Variants in SLC4A4 observed in about 807,000 individuals in gnomAD.
The protein encoded by SLC4A4 is solute carrier family 4 member 4.
A neutral mutation model predicts 111.5 loss-of-function variants in SLC4A4; 27 were observed. The ratio of observed to expected loss-of-function variants is 0.24; its 90% CI spans 0.18 to 0.33. SLC4A4 has a LOEUF of 0.33. Among genes scored for constraint, SLC4A4 ranks in the 10% least tolerant of loss-of-function variants. The pLI is 1.00. For missense variants in SLC4A4, 909 were observed against 1,315.5 expected, an observed-to-expected ratio of 0.69 and a Z score of 4.78; for synonymous variants, 443 against 463.4, an observed-to-expected ratio of 0.96 and a Z score of 0.57.
intron 6 of SLC4A4, among the ~76,000 whole-genome samples, chr4:71,364,175 ATCT>A (rs1731043251): frequency 6.6e-6 from 1 of 152,150 alleles, no homozygotes; most frequent in African/African-American, 2.4e-5. Flanking sequence ...CTACTTTGTA[ATCT>A]TCTTTTTAAA....
chr4:71,551,503 A>G (rs1369187014), intron 20 of SLC4A4, among the ~76,000 whole-genome samples: 2 of 151,876 alleles, frequency 1.3e-5, no homozygotes, highest in Non-Finnish European at 2.9e-5. Flanking sequence ...TAGTCCTTCA[A>G]TGAATGACAC....
At chr4:71,552,062 G>A (rs992434841) in intron 20 of SLC4A4, among the ~76,000 whole-genome samples, 2 of 151,686 alleles carry the variant, frequency 1.3e-5, no homozygotes, top group Admixed American at 1.3e-4. Flanking sequence ...AGTTCTGCTG[G>A]GCAATTGCAG....
At chr4:71,184,671 C>A (rs1176322476), upstream of SLC4A4, among the ~76,000 whole-genome samples, 1 of 152,156 alleles carries the variant, frequency 6.6e-6, no homozygotes, top group African/African-American at 2.4e-5. Flanking sequence ...ATAAATCTTT[C>A]TTTGTGCTTA....
rs1466220880 is a variant in SLC4A4 at position 71,103,033 on chromosome 4, G to A, written c.-2+10241G>A. ...GCTGTATTCAGGAAACCCATCTCAC[G>A]TGCAGAGACACACATAGGCTCAAAA... On this transcript the variant is annotated intron_variant, in intron 2 of 26. Coordinates refer to the SLC4A4 transcript ENST00000649996. Among the ~76,000 whole-genome samples the A allele has an allele frequency of 1.6e-4, 24 of 150,508 alleles. No individual in the cohort carries two copies. In the East Asian group the frequency reaches 2.7e-3, roughly 17 times the overall value.
At chr4:71,483,621 C>T (rs1175119384) in intron 14 of SLC4A4, among the ~76,000 whole-genome samples, 1 of 151,912 alleles carries the variant, frequency 6.6e-6, no homozygotes, top group East Asian at 1.9e-4. Context: ...GTGGATAGTG[C>T]TACAGTGAAC....
At chr4:71,368,917 C>G (rs1731585625) in intron 6 of SLC4A4, among the ~76,000 whole-genome samples, 1 of 152,074 alleles carries the variant, frequency 6.6e-6, no homozygotes, top group African/African-American at 2.4e-5. Context: ...CATTGTTCTC[C>G]TTTAACCCGC....
At position 71,325,552 on chromosome 4, in the gene SLC4A4, T is replaced by G. The variant is rs574057284; in HGVS notation, c.254-13818T>G. ...CTTAGGTAGACTCTTCCCTTAGAGT[T>G]GCAAGATGGCCATCTGTACTTCATA... On this transcript the variant is annotated intron_variant, in intron 3 of 25. Transcript: ENST00000264485. Among the ~76,000 whole-genome samples the G allele has an allele frequency of 1.8e-4, 27 of 152,114 alleles. No homozygotes were observed. In the South Asian group the frequency reaches 5.0e-3, roughly 28 times the overall value.
intron 1 of SLC4A4, among the ~76,000 whole-genome samples, chr4:71,068,869 A>G (rs902069471): frequency 2.6e-5 from 4 of 152,146 alleles, no homozygotes; most frequent in Non-Finnish European, 4.4e-5. Context: ...TTAACATGGG[A>G]CAGCCATTTT....
At chr4:71,173,777 A>G (rs1169086618) in intron 2 of SLC4A4, among the ~76,000 whole-genome samples, 2 of 152,230 alleles carry the variant, frequency 1.3e-5, no homozygotes, top group Non-Finnish European at 2.9e-5. Context: ...AGTAAATCTG[A>G]AACAGTTGAC....
Position 71,386,271 on chromosome 4 carries a change from T to C in SLC4A4, c.731-11306T>C, listed in dbSNP as rs189468800. On this transcript the variant is annotated intron_variant, in intron 6 of 25. Coordinates refer to ENST00000264485, the MANE Select transcript of SLC4A4 (RefSeq NM_001098484.3). ...TAAATTTCACAATGATTCATCTGCA[T>C]ACAGGAATTTTTAAATTTTTTTTGG... Among the ~76,000 whole-genome samples, 318 of 152,248 alleles carry C rather than the reference T, an allele frequency of 2.1e-3. 3 individuals are homozygous for C. Among genetic ancestry groups the C allele is most frequent in the African/African-American group, 7.0e-3 (293 of 41,570 alleles).
chr4:71,536,485 T>TATAA (rs760037325), intron 18 of SLC4A4, among the ~76,000 whole-genome samples: 1,772 of 83,920 alleles, frequency 0.021, 95 homozygotes, highest in East Asian at 0.13. Flanking sequence ...TATATATATA[T>TATAA]ATGTATATAT....
At chr4:71,511,867 A>G (rs146943238) in intron 16 of SLC4A4, among the ~76,000 whole-genome samples, 3 of 152,106 alleles carry the variant, frequency 2.0e-5, no homozygotes, top group East Asian at 1.9e-4. Flanking sequence ...AACATGCACT[A>G]TATGTCTTTC....
intron 2 of SLC4A4, among the ~76,000 whole-genome samples, chr4:71,115,470 G>A (rs993951546): frequency 6.6e-6 from 1 of 151,954 alleles, no homozygotes; most frequent in Non-Finnish European, 1.5e-5. Context: ...AGAGGTAGAG[G>A]TGAGAACAGT....
intron 13 of SLC4A4, among the ~76,000 whole-genome samples, chr4:71,469,133 T>C (rs1727643232): frequency 6.6e-6 from 1 of 152,136 alleles, no homozygotes; most frequent in African/African-American, 2.4e-5. Context: ...CAATCTGTTT[T>C]GCATTATTTT....
At chr4:71,435,597 T>G (rs1577895952) in intron 7 of SLC4A4, among the ~76,000 whole-genome samples, 1 of 152,122 alleles carries the variant, frequency 6.6e-6, no homozygotes, top group South Asian at 2.1e-4. Flanking sequence ...CACAGCAAAA[T>G]AAACTGTCAT....
rs983831318 is a variant in SLC4A4 at position 71,570,342 on chromosome 4, C to T, written c.*2591C>T. ...TAGTACCTTACATTTGCTAAACAGA[C>T]AGTTAATATCAAATCCTTTCAATAT... is the stretch of plus-strand genomic sequence containing the variant. On this transcript the variant is annotated 3_prime_UTR_variant, in exon 26 of 26. Transcript: ENST00000264485. 2 of 150,914 alleles carry T rather than the reference C, an allele frequency of 1.3e-5. No homozygotes were observed. The highest frequency in any genetic ancestry group is 4.9e-5 in the African/African-American group (2 of 41,038). 9.3% of individuals were successfully genotyped at this position (150,914 alleles called of 1,614,324 possible). A position where few individuals can be genotyped will look rare whatever the true frequency, so the allele number is the denominator to read the frequency against.
intron 7 of SLC4A4, among the ~76,000 whole-genome samples, chr4:71,419,870 T>C (rs566988036): frequency 1.3e-4 from 20 of 152,082 alleles, no homozygotes; most frequent in African/African-American, 4.3e-4. Flanking sequence ...CAAAAGTAGA[T>C]AAAACCACAA....
chr4:71,287,277 T>C (rs1036498943), intron 3 of SLC4A4, among the ~76,000 whole-genome samples: 6 of 152,194 alleles, frequency 3.9e-5, no homozygotes, highest in Non-Finnish European at 7.3e-5. Context: ...ATTCAAAGTA[T>C]AAAAATTAAA....
intron 7 of SLC4A4, among the ~76,000 whole-genome samples, chr4:71,425,368 G>C (rs1179342742): frequency 6.6e-6 from 1 of 152,110 alleles, no homozygotes; most frequent in Non-Finnish European, 1.5e-5. Context: ...TACTAGGCTT[G>C]CTCTTTTACT....
Sources: allele counts gnomAD v4.1 joint callset (sites outside exome capture counted in the v4.1 genomes callset), GRCh38; gene constraint gnomAD v4.1.1; transcripts MANE v1.5; gene names NCBI Gene and HGNC (gene_info 2026-07-23, HGNC 2026-07-21).